The following ATL2 variants were observed in gnomAD, a reference collection of about 807,000 sequenced individuals.
ATL2 encodes atlastin-2.
A neutral mutation model predicts 73.9 loss-of-function variants in ATL2; 31 were observed. The observed-to-expected ratio is 0.42, with a 90% CI of 0.32 to 0.57. The LOEUF is 0.57. ATL2 is among the 20% of genes least tolerant of loss of function. The probability of loss-of-function intolerance (pLI) is 0.14; values close to 1 mark genes in which losing one functional copy is unlikely to be tolerated. For missense variants in ATL2, 738 were observed against 702.6 expected (o/e 1.05, Z -0.57); for synonymous variants, 291 against 237.5 (o/e 1.23, Z -2.07).
In ATL2 at chr2:38,376,859, C is replaced by CGGCGGGCT. The variant is rs1351810754; in HGVS notation, c.118+276_118+283dup. The stretch of plus-strand genomic sequence containing the variant: ...CGGGGCGGACACGGCGGCAGCCACG[C>CGGCGGGCT]GGCGGGCTGGCGGGCAGGGGGCCGG... On this transcript the variant is annotated intron_variant, in intron 1 of 12. Transcript: ENST00000378954. 4.6e-3 allele frequency among the ~76,000 whole-genome samples: 699 copies of CGGCGGGCT among 150,822 alleles called. 3 individuals are homozygous for CGGCGGGCT. The highest frequency in any genetic ancestry group is 7.7e-3 in the Non-Finnish European group (518 of 67,456).
At chr2:38,302,508 G>C (rs1224767916) in intron 9 of ATL2, among the ~76,000 whole-genome samples, 1 of 152,214 alleles carries the variant, frequency 6.6e-6, no homozygotes, top group Admixed American at 6.5e-5. Context: ...CCTTGGGCAA[G>C]ACCCATTGCT....
chr2:38,336,304 T>A (rs1185048513), intron 2 of ATL2, among the ~76,000 whole-genome samples: 2 of 152,206 alleles, frequency 1.3e-5, no homozygotes, highest in Non-Finnish European at 2.9e-5. Flanking sequence ...TTACTCCTGG[T>A]CTCTGGCAAC....
chr2:38,321,916 T>C (rs1435803945), intron 2 of ATL2, among the ~76,000 whole-genome samples: 1 of 152,160 alleles, frequency 6.6e-6, no homozygotes, highest in African/African-American at 2.4e-5. Flanking sequence ...TTTCGCCACG[T>C]TGCCCAGGCT....
At chr2:38,376,878 G>A (rs929546089) in intron 1 of ATL2, among the ~76,000 whole-genome samples, 12 of 150,358 alleles carry the variant, frequency 8.0e-5, no homozygotes, top group African/African-American at 2.9e-4. Flanking sequence ...GGCGGGCAGG[G>A]GGCCGGGCCG....
intron 1 of ATL2, among the ~76,000 whole-genome samples, chr2:38,345,928 T>C (rs1379503428): frequency 6.6e-6 from 1 of 152,210 alleles, no homozygotes. Context: ...TGAGTTGAAA[T>C]ATGTATGCTA....
At chr2:38,375,857 A>G (rs1007496992) in intron 1 of ATL2, among the ~76,000 whole-genome samples, 2 of 152,200 alleles carry the variant, frequency 1.3e-5, no homozygotes, top group African/African-American at 4.8e-5. Context: ...CAATAATAAA[A>G]TAAGCTTTAT....
At chr2:38,308,416 A>G (rs1667568423) in intron 9 of ATL2, among the ~76,000 whole-genome samples, 1 of 152,182 alleles carries the variant, frequency 6.6e-6, no homozygotes, top group African/African-American at 2.4e-5. Context: ...AACTGAACTC[A>G]TGCGATAGAG....
intron 1 of ATL2, among the ~76,000 whole-genome samples, chr2:38,348,366 T>G (rs1441094959): frequency 6.6e-6 from 1 of 151,656 alleles, no homozygotes; most frequent in African/African-American, 2.4e-5. Flanking sequence ...CTCAGGAGGC[T>G]GAGGGAGGAG....
At chr2:38,297,989 C>A (rs1029772576) in intron 12 of ATL2, 155 bp downstream of exon 12, 10 of 708,400 alleles carry the variant, frequency 1.4e-5, no homozygotes, top group African/African-American at 7.2e-5. Context: ...AAGAAAAAAT[C>A]TTCAATTCAT....
Position 38,293,992 on chromosome 2 carries a change from TCTG to T in ATL2, c.*1999_*2001del, listed in dbSNP as rs1395036234. On this transcript the variant is annotated 3_prime_UTR_variant, in exon 13 of 13. Transcript: ENST00000378954. ...GTAAGCTGTCTTTAATTTCAGAAAA[TCTG>T]CTATTATACAACAAATTATTTTTTC... 3.9e-5 allele frequency among the ~76,000 whole-genome samples: 6 copies of T among 152,230 alleles called. No homozygotes were observed. Among genetic ancestry groups the T allele is most frequent in the Middle Eastern group, 3.2e-3 (1 of 316 alleles).
intron 1 of ATL2, among the ~76,000 whole-genome samples, chr2:38,368,302 G>C (rs903495739): frequency 1.3e-5 from 2 of 149,768 alleles, no homozygotes; most frequent in Admixed American, 6.7e-5. Context: ...GCCCAGGCTG[G>C]AGCGCAATGG....
intron 1 of ATL2, among the ~76,000 whole-genome samples, chr2:38,347,684 C>G (rs1223818220): frequency 6.6e-6 from 1 of 152,052 alleles, no homozygotes; most frequent in Non-Finnish European, 1.5e-5. Flanking sequence ...TGCCTGACAC[C>G]TAGCCTAGCA....
intron 1 of ATL2, among the ~76,000 whole-genome samples, chr2:38,353,345 T>C (rs528761760): frequency 1.3e-5 from 2 of 152,258 alleles, no homozygotes; most frequent in East Asian, 1.9e-4. Flanking sequence ...CAGCAGACTG[T>C]AGGTAACAGA....
chr2:38,295,632 A>T lies in ATL2; in HGVS notation c.*362T>A, dbSNP rs1181827280. 6.4e-6 allele frequency: 1 copy of T among 156,752 alleles called. No homozygotes were observed. Among genetic ancestry groups the T allele is most frequent in the East Asian group, 1.9e-4 (1 of 5,368 alleles). 9.7% of individuals were successfully genotyped at this position (156,752 alleles called of 1,614,324 possible). A position where few individuals can be genotyped will look rare whatever the true frequency, so the allele number is the denominator to read the frequency against. On this transcript the variant is annotated 3_prime_UTR_variant, in exon 13 of 13. Coordinates refer to ENST00000378954, the MANE Select transcript of ATL2 (RefSeq NM_001135673.4). ...TAAATTCTCTAAAAATTAAAATTTC[A>T]ATGGGACACTGTGTTAAAGAGACTC...
rs1268882695 is a variant in ATL2, at chr2:38,325,685, C to T, written c.364-6666G>A. Reference sequence around the variant, plus strand: ...GTACACACACACACACACACACACACACACACACACCAGTACACACACACA... The same window carrying T: ...GTACACACACACACACACACACACATACACACACACCAGTACACACACACA... On this transcript the variant is annotated intron_variant, in intron 2 of 12. Transcript: ENST00000378954. Among the ~76,000 whole-genome samples the T allele has an allele frequency of 3.9e-5, 3 of 76,396 alleles. No homozygotes were observed. In the Admixed American group the frequency reaches 4.7e-4, roughly 12 times the overall value. 50.1% of individuals were successfully genotyped at this position (76,396 alleles called of 152,430 possible). A position where few individuals can be genotyped will look rare whatever the true frequency, so the allele number is the denominator to read the frequency against.
At chr2:38,312,439 G>A (rs1001464023) in intron 7 of ATL2, among the ~76,000 whole-genome samples, 16 of 151,972 alleles carry the variant, frequency 1.1e-4, no homozygotes, top group East Asian at 1.9e-4. Flanking sequence ...GGCTGGGTGC[G>A]GTGGCTCACG....
At chr2:38,366,914 C>T (rs1671361367) in intron 1 of ATL2, among the ~76,000 whole-genome samples, 1 of 152,118 alleles carries the variant, frequency 6.6e-6, no homozygotes, top group Non-Finnish European at 1.5e-5. Flanking sequence ...AAAACTAACC[C>T]CAGCCCCTTC....
At chr2:38,358,517 C>A (rs979338519) in intron 1 of ATL2, 3 of 292,658 alleles carry the variant, frequency 1.0e-5, no homozygotes, top group Non-Finnish European at 2.2e-5. Context: ...AGGGAAACCC[C>A]GTCTCTATTA....
intron 2 of ATL2, among the ~76,000 whole-genome samples, chr2:38,334,181 C>G (rs1669169056): frequency 6.6e-6 from 1 of 151,736 alleles, no homozygotes. Flanking sequence ...AGGCACCTGC[C>G]ACCACCCCTG....
Sources: allele counts gnomAD v4.1 joint callset (sites outside exome capture counted in the v4.1 genomes callset), GRCh38; gene constraint gnomAD v4.1.1; transcripts MANE v1.5; gene names NCBI Gene and HGNC (gene_info 2026-07-23, HGNC 2026-07-21).